The following IGDCC3 variants were observed in gnomAD, a reference collection of about 807,000 sequenced individuals.
The protein encoded by IGDCC3 is immunoglobulin superfamily DCC subclass member 3.
A neutral mutation model predicts 72.0 loss-of-function variants in IGDCC3; 47 were observed. That is an observed-to-expected ratio of 0.65 (90% confidence interval 0.52 to 0.83). IGDCC3 has a LOEUF of 0.83. Among genes scored for constraint, IGDCC3 ranks in the 40% least tolerant of loss-of-function variants. The pLI, the probability that IGDCC3 is intolerant of heterozygous loss-of-function variation, is 0.00. For missense variants in IGDCC3, 1,038 were observed against 1,091.3 expected (o/e 0.95, Z 0.69); for synonymous variants, 477 against 472.8 (o/e 1.01, Z -0.11).
In IGDCC3 at chr15:65,328,317, T is replaced by TTTTTTTTA. The variant is rs34065363; in HGVS notation, c.*591_*592insTAAAAAAA. 1.6e-5 allele frequency: 2 copies of TTTTTTTTA among 128,996 alleles called. No homozygotes were observed. Among genetic ancestry groups the TTTTTTTTA allele is most frequent in the African/African-American group, 5.4e-5 (2 of 36,750 alleles). 8.0% of individuals were successfully genotyped at this position (128,996 alleles called of 1,614,324 possible). Reference sequence around the variant, plus strand: ...GTGCTTTTTTTTTTTTTTTTTTTTTTACTCTGGACAACAGTGTGGGAAGGG... The same window carrying TTTTTTTTA: ...GTGCTTTTTTTTTTTTTTTTTTTTTTTTTTTTTAACTCTGGACAACAGTGTGGGAAGGG... On this transcript the variant is annotated 3_prime_UTR_variant, in exon 14 of 14. Transcript: ENST00000327987.
intron 2 of IGDCC3, among the ~76,000 whole-genome samples, chr15:65,365,450 A>T (rs1200363682): frequency 2.0e-5 from 3 of 151,806 alleles, no homozygotes; most frequent in Admixed American, 2.0e-4. Context: ...GCAACCTAAC[A>T]CCAGCATTCC....
chr15:65,363,313 A>G (rs901104703), intron 2 of IGDCC3, among the ~76,000 whole-genome samples: 3 of 152,118 alleles, frequency 2.0e-5, no homozygotes, highest in Admixed American at 2.0e-4. Flanking sequence ...AGCCCCCAAA[A>G]CCAAGGGCCT....
chr15:65,342,842 C>T (rs1047767497), intron 2 of IGDCC3, among the ~76,000 whole-genome samples: 1 of 152,058 alleles, frequency 6.6e-6, no homozygotes, highest in Non-Finnish European at 1.5e-5. Context: ...ACTTTGTTTG[C>T]TTTTGTGTTT....
chr15:65,333,557 G>C (rs150841179), intron 5 of IGDCC3, 142 bp from the exon 6 acceptor site: 2 of 745,124 alleles, frequency 2.7e-6, no homozygotes, highest in Non-Finnish European at 4.2e-6. Context: ...TCCCTCCTAG[G>C]CACCTTAACA....
intron 2 of IGDCC3, among the ~76,000 whole-genome samples, chr15:65,364,261 T>G (rs1431362160): frequency 6.6e-6 from 1 of 152,222 alleles, no homozygotes; most frequent in Non-Finnish European, 1.5e-5. Flanking sequence ...ACTTACTGTG[T>G]ACCCTCGGCC....
At chr15:65,331,752 GA>G in intron 7 of IGDCC3, 93 bp from the exon 8 acceptor site, 3 of 1,459,346 alleles carry the variant, frequency 2.1e-6, no homozygotes, top group Non-Finnish European at 2.7e-6. Context: ...GTCTTTCCAG[GA>G]GACAAACGAC....
Position 65,329,642 on chromosome 15 carries a change from C to T in IGDCC3, c.1998-45G>A, listed in dbSNP as rs2090958191. Reference sequence around the variant, plus strand: ...TGGGGGGAGGGAGAGAGAAAAGAGACAGAGGCAGTGAGCCCACACTCACCT... The same window carrying T: ...TGGGGGGAGGGAGAGAGAAAAGAGATAGAGGCAGTGAGCCCACACTCACCT... On this transcript the variant is annotated intron_variant, in intron 12 of 13. Transcript: ENST00000327987. The surrounding 1 kb of genome is among the most constrained non-coding windows in gnomAD (Gnocchi z 4.1). 1.2e-6 allele frequency: 2 copies of T among 1,611,216 alleles called. No homozygotes were observed. Among genetic ancestry groups the T allele is most frequent in the Non-Finnish European group, 1.7e-6 (2 of 1,177,786 alleles).
chr15:65,331,680 C>T (rs771906765), intron 7 of IGDCC3, 21 bp from the exon 8 acceptor site: 6 of 1,567,310 alleles, frequency 3.8e-6, no homozygotes, highest in Admixed American at 1.8e-5. Context: ...GAGAGACAGC[C>T]TCAGGTTCCC....
rs1055063988 is a variant in IGDCC3, at chr15:65,345,375, G to A, written c.410-9419C>T. Among the ~76,000 whole-genome samples the A allele has an allele frequency of 5.9e-5, 9 of 152,138 alleles. 1 individual carries two copies. Among genetic ancestry groups the A allele is most frequent in the African/African-American group, 1.4e-4 (6 of 41,428 alleles). Reference sequence around the variant, plus strand: ...TTGAGACCAGCTTGGGCAACATGGTGAAATCCCGTCTCTACAAAAAATACA... The same window carrying A: ...TTGAGACCAGCTTGGGCAACATGGTAAAATCCCGTCTCTACAAAAAATACA... On this transcript the variant is annotated intron_variant, in intron 2 of 13. Coordinates refer to ENST00000327987, the MANE Select transcript of IGDCC3 (RefSeq NM_004884.4).
At chr15:65,369,637 C>T (rs769748919) in intron 2 of IGDCC3, among the ~76,000 whole-genome samples, 2 of 152,120 alleles carry the variant, frequency 1.3e-5, no homozygotes, top group African/African-American at 4.8e-5. Flanking sequence ...TTCCTCAGGC[C>T]TCCCTCAGTT....
intron 4 of IGDCC3, 125 bp downstream of exon 4, chr15:65,335,166 C>G: frequency 9.2e-7 from 1 of 1,083,314 alleles, no homozygotes; most frequent in Non-Finnish European, 1.3e-6. Context: ...CAGCACAGAG[C>G]CCGGCACTCT....
intron 2 of IGDCC3, among the ~76,000 whole-genome samples, chr15:65,370,602 GTGTATATATATGTATGTGTATA>G (rs1567072986): frequency 1.4e-4 from 14 of 97,698 alleles, no homozygotes; most frequent in Middle Eastern, 5.3e-3. Context: ...ATATATGTAT[GTGTATATATATGTATGTGTATA>G]TATATATATA....
chr15:65,358,534 G>A (rs1409869542), intron 2 of IGDCC3, among the ~76,000 whole-genome samples: 1 of 152,188 alleles, frequency 6.6e-6, no homozygotes, highest in South Asian at 2.1e-4. Context: ...GGGTTGCCTA[G>A]ATTTCAACAA....
Position 65,333,277 on chromosome 15 carries a change from T to C in IGDCC3, c.962A>G (p.Gln321Arg). 6.2e-7 allele frequency: 1 copy of C among 1,611,278 alleles called. No individual in the cohort carries two copies. The change falls in exon 6 of 14, where the codon CAG (glutamine) becomes CGG (arginine). Residue 321 changes from glutamine to arginine, a missense_variant. Physicochemically the swap from Gln to Arg is conservative, Grantham distance 43. Transcript: ENST00000327987. The stretch of plus-strand genomic sequence containing the variant: ...CATACCTTGCACCACCAGCCGGCCC[T>C]GTGCCGTTCTCCTCACCCGGGTGCC... ...RPGTRVRRTA[Q>R]GRLVVQAPAE...
chr15:65,344,727 TA>T (rs2091112018), intron 2 of IGDCC3, among the ~76,000 whole-genome samples: 1 of 152,196 alleles, frequency 6.6e-6, no homozygotes, highest in Non-Finnish European at 1.5e-5. Context: ...GCCCTGCTTT[TA>T]ATTACTCAGC....
chr15:65,344,687 T>C (rs566856592), intron 2 of IGDCC3, among the ~76,000 whole-genome samples: 16 of 152,206 alleles, frequency 1.1e-4, no homozygotes, highest in Non-Finnish European at 2.1e-4. Context: ...GCTGGACTTT[T>C]ACAACCCAAG....
chr15:65,366,437 G>A (rs993031762), intron 2 of IGDCC3, among the ~76,000 whole-genome samples: 2 of 152,090 alleles, frequency 1.3e-5, no homozygotes, highest in Admixed American at 1.3e-4. Flanking sequence ...GGAGGAGCTG[G>A]AGAAAGGAAG....
intron 2 of IGDCC3, chr15:65,356,296 GA>G: frequency 6.5e-6 from 1 of 153,958 alleles, no homozygotes; most frequent in Non-Finnish European, 1.4e-5. Flanking sequence ...GAAAGACTGG[GA>G]AAAGAAGAGG....
chr15:65,330,949 GCACCC>G, intron 9 of IGDCC3, 96 bp downstream of exon 9: 1 of 1,390,760 alleles, frequency 7.2e-7, no homozygotes, highest in Non-Finnish European at 9.8e-7. Flanking sequence ...TCAGGGCCGG[GCACCC>G]TGCACAGCGC....
Sources: allele counts gnomAD v4.1 joint callset (sites outside exome capture counted in the v4.1 genomes callset), GRCh38; gene constraint gnomAD v4.1.1; non-coding constraint Gnocchi (gnomAD v3.1); transcripts MANE v1.5; gene names NCBI Gene and HGNC (gene_info 2026-07-23, HGNC 2026-07-21).